The following SLC24A2 variants were observed in gnomAD, a reference collection of about 807,000 sequenced individuals.
SLC24A2 encodes sodium/potassium/calcium exchanger 2.
Under a neutral mutation model 62.0 loss-of-function variants are expected in SLC24A2, and 36 were observed. That is an observed-to-expected ratio of 0.58 (90% confidence interval 0.44 to 0.77). The LOEUF (loss-of-function observed/expected upper bound fraction) is 0.77. Among genes scored for constraint, SLC24A2 ranks in the 30% least tolerant of loss-of-function variants. SLC24A2 has a pLI of 0.00. For missense variants in SLC24A2, 846 were observed against 817.9 expected (o/e 1.03, Z -0.42); for synonymous variants, 358 against 294.0 (o/e 1.22, Z -2.23).
At chr9:20,079,279 C>A in the SLC24A2 span, among the ~76,000 whole-genome samples, 1 of 152,088 alleles carries the variant, frequency 6.6e-6, no homozygotes, top group Non-Finnish European at 1.5e-5. Context: ...TTGCTTTAAG[C>A]CACAAAATTT....
chr9:20,281,769 C>T, the SLC24A2 span, among the ~76,000 whole-genome samples: 1 of 152,146 alleles, frequency 6.6e-6, no homozygotes, highest in Admixed American at 6.6e-5. Flanking sequence ...ACAAATAGTG[C>T]TGCTATAAAA....
the SLC24A2 span, among the ~76,000 whole-genome samples, chr9:20,260,389 T>A: frequency 6.6e-6 from 1 of 152,230 alleles, no homozygotes; most frequent in African/African-American, 2.4e-5. Context: ...AAGCCAGTCA[T>A]CCAAAAGAAA....
the SLC24A2 span, among the ~76,000 whole-genome samples, chr9:20,184,676 A>G: frequency 3.9e-5 from 6 of 152,216 alleles, no homozygotes; most frequent in East Asian, 1.9e-4. Context: ...GTACAACCAT[A>G]TGGAGAACAG....
chr9:19,951,022 A>T, the SLC24A2 span, among the ~76,000 whole-genome samples: 1 of 152,218 alleles, frequency 6.6e-6, no homozygotes, highest in Non-Finnish European at 1.5e-5. Context: ...GATGTTCTCC[A>T]GTTAAGTTCT....
the SLC24A2 span, among the ~76,000 whole-genome samples, chr9:20,053,102 C>T: frequency 6.6e-6 from 1 of 152,136 alleles, no homozygotes; most frequent in East Asian, 1.9e-4. Flanking sequence ...AATTTGACAG[C>T]CATCTTGTCT....
At chr9:20,029,910 G>A in the SLC24A2 span, among the ~76,000 whole-genome samples, 1 of 152,098 alleles carries the variant, frequency 6.6e-6, no homozygotes, top group Admixed American at 6.5e-5. Context: ...GGTGTGACAA[G>A]CCCCATGTTA....
At chr9:19,884,837 A>G in the SLC24A2 span, among the ~76,000 whole-genome samples, 1 of 152,192 alleles carries the variant, frequency 6.6e-6, no homozygotes, top group Non-Finnish European at 1.5e-5. Context: ...TACCCTGAGC[A>G]TGTTTAAGGT....
At chr9:20,002,790 G>A in the SLC24A2 span, among the ~76,000 whole-genome samples, 4 of 152,172 alleles carry the variant, frequency 2.6e-5, no homozygotes, top group Non-Finnish European at 5.9e-5. Context: ...CTTGCCCACT[G>A]CCCATGTCTG....
the SLC24A2 span, among the ~76,000 whole-genome samples, chr9:19,816,781 A>G: frequency 6.6e-6 from 1 of 151,998 alleles, no homozygotes; most frequent in Non-Finnish European, 1.5e-5. Context: ...GAACTCACTC[A>G]CTATGGCAAG....
the SLC24A2 span, among the ~76,000 whole-genome samples, chr9:20,255,497 G>A: frequency 2.5e-4 from 38 of 152,256 alleles, no homozygotes; most frequent in African/African-American, 8.9e-4. Flanking sequence ...CTGTATACAT[G>A]GCATCATCTG....
chr9:19,659,215 G>A lies in SLC24A2; in HGVS notation c.931-36916C>T, dbSNP rs550014559. 3.9e-5 allele frequency among the ~76,000 whole-genome samples: 6 copies of A among 152,232 alleles called. No homozygotes were observed. In the South Asian group the frequency reaches 1.2e-3, roughly 32 times the overall value. ...TTCCAATTATGCAGCTGTAAGCCACGGAATGCCCAAGACTCTTGGTGAACA... is the reference window on the plus strand; with the variant it reads ...TTCCAATTATGCAGCTGTAAGCCACAGAATGCCCAAGACTCTTGGTGAACA... On this transcript the variant is annotated intron_variant, in intron 2 of 10. Transcript: ENST00000341998.
At chr9:20,276,450 T>G in the SLC24A2 span, among the ~76,000 whole-genome samples, 1 of 152,184 alleles carries the variant, frequency 6.6e-6, no homozygotes, top group East Asian at 1.9e-4. Flanking sequence ...TCTGCCCCTG[T>G]GGCTTTGCAG....
At chr9:19,561,015 T>C (rs1835372773) in intron 7 of SLC24A2, among the ~76,000 whole-genome samples, 1 of 151,734 alleles carries the variant, frequency 6.6e-6, no homozygotes, top group Non-Finnish European at 1.5e-5. Context: ...AACCTCCGCC[T>C]CCCAGGTTTG....
the SLC24A2 span, among the ~76,000 whole-genome samples, chr9:20,064,663 T>C: frequency 1.3e-5 from 2 of 152,208 alleles, no homozygotes; most frequent in African/African-American, 4.8e-5. Flanking sequence ...ACTGATGGAT[T>C]TGATAATTGT....
the SLC24A2 span, among the ~76,000 whole-genome samples, chr9:19,832,391 A>G: frequency 1.3e-5 from 2 of 152,248 alleles, no homozygotes; most frequent in Non-Finnish European, 1.5e-5. Flanking sequence ...CATTTAAACA[A>G]GTGATTAGTA....
At position 19,683,118 on chromosome 9, in the gene SLC24A2, G is replaced by C. The variant is rs1259530153; in HGVS notation, c.931-60819C>G. On this transcript the variant is annotated intron_variant, in intron 2 of 10. Transcript: ENST00000341998. ...ATTTGCCAAAGGGAGAGGAGGGAAA[G>C]GTTTACTATGAAATCCTTTGAAAGG... 5.9e-5 allele frequency among the ~76,000 whole-genome samples: 9 copies of C among 152,190 alleles called. No individual in the cohort carries two copies. The East Asian group carries it at 1.5e-3, about 26-fold the overall frequency.
the SLC24A2 span, among the ~76,000 whole-genome samples, chr9:20,226,664 T>G: frequency 6.6e-6 from 1 of 152,050 alleles, no homozygotes; most frequent in African/African-American, 2.4e-5. Flanking sequence ...GAGCAATACC[T>G]GATGAAGACC....
chr9:20,036,487 A>T, the SLC24A2 span, among the ~76,000 whole-genome samples: 6 of 152,040 alleles, frequency 3.9e-5, no homozygotes, highest in East Asian at 1.2e-3. Flanking sequence ...TTATCTTCCC[A>T]TTCCCCCCCA....
chr9:20,300,806 G>C, the SLC24A2 span, among the ~76,000 whole-genome samples: 1 of 152,130 alleles, frequency 6.6e-6, no homozygotes, highest in African/African-American at 2.4e-5. Flanking sequence ...CCATGTCTTA[G>C]GGGCAATGCT....
Sources: gnomAD v4.1 joint callset for allele counts (sites outside exome capture counted in the v4.1 genomes callset) on GRCh38, gnomAD v4.1.1 for gene constraint, MANE v1.5 for transcripts, NCBI Gene and HGNC (gene_info 2026-07-23, HGNC 2026-07-21) for gene names.